CTNNA1: variants seen among roughly 807,000 people sequenced by gnomAD.
CTNNA1 encodes catenin alpha-1.
CTNNA1 carries 37 observed loss-of-function variants against 98.4 expected under a neutral mutation model. That is an observed-to-expected ratio of 0.38 (90% CI 0.29 to 0.49). The LOEUF is 0.49. Ranked by LOEUF, CTNNA1 falls within the 20% of genes least tolerant of loss-of-function variation. The probability of loss-of-function intolerance (pLI) is 0.95; values close to 1 mark genes in which losing one functional copy is unlikely to be tolerated. For missense variants in CTNNA1, 761 were observed against 1,147.2 expected (o/e 0.66, Z 4.86); for synonymous variants, 404 against 413.2 (o/e 0.98, Z 0.27).
At chr5:138,816,409 T>C (rs1412814814) in intron 5 of CTNNA1, among the ~76,000 whole-genome samples, 1 of 152,200 alleles carries the variant, frequency 6.6e-6, no homozygotes, top group African/African-American at 2.4e-5. Context: ...GATTGCTGGA[T>C]CATATGATTG....
chr5:138,913,875 CAG>C (rs1187905665), intron 10 of CTNNA1, among the ~76,000 whole-genome samples: 4 of 151,970 alleles, frequency 2.6e-5, no homozygotes, highest in African/African-American at 4.8e-5. Flanking sequence ...TTTTTAAAGA[CAG>C]GGTCTCATGG....
chr5:138,786,640 T>C (rs189707195), intron 3 of CTNNA1, among the ~76,000 whole-genome samples: 20 of 152,300 alleles, frequency 1.3e-4, no homozygotes, highest in African/African-American at 4.8e-4. Context: ...GATTATTCTG[T>C]CTGGGGGAAG....
chr5:138,764,486 T>C (rs1051074077), intron 1 of CTNNA1, among the ~76,000 whole-genome samples: 1 of 152,070 alleles, frequency 6.6e-6, no homozygotes, highest in Non-Finnish European at 1.5e-5. Context: ...TTTTTTTTAA[T>C]TTGAGACGGA....
intron 10 of CTNNA1, among the ~76,000 whole-genome samples, chr5:138,910,590 A>AT (rs1469953556): frequency 2.6e-5 from 4 of 152,018 alleles, no homozygotes; most frequent in Admixed American, 1.3e-4. Flanking sequence ...ACATTTAAAC[A>AT]TTTTAATACT....
intron 7 of CTNNA1, among the ~76,000 whole-genome samples, chr5:138,866,513 G>A (rs1764801796): frequency 6.6e-6 from 1 of 152,074 alleles, no homozygotes; most frequent in African/African-American, 2.4e-5. Flanking sequence ...TTTCATATCT[G>A]TTTCCTAAGT....
At chr5:138,847,272 A>C (rs2149834201) in intron 7 of CTNNA1, among the ~76,000 whole-genome samples, 1 of 138,638 alleles carries the variant, frequency 7.2e-6, no homozygotes, top group Non-Finnish European at 1.6e-5. Flanking sequence ...GAGGAGACTG[A>C]CAACATTCCT....
At chr5:138,816,169 C>G (rs982874662) in intron 5 of CTNNA1, among the ~76,000 whole-genome samples, 2 of 152,200 alleles carry the variant, frequency 1.3e-5, no homozygotes, top group African/African-American at 2.4e-5. Flanking sequence ...GCTTATTTGA[C>G]TTACCATAGT....
chr5:138,878,994 G>T (rs1752265937), intron 7 of CTNNA1, among the ~76,000 whole-genome samples: 1 of 151,882 alleles, frequency 6.6e-6, no homozygotes, highest in Admixed American at 6.6e-5. Context: ...GGTGGAGCAC[G>T]AGGTCAGGAG....
chr5:138,835,123 A>G (rs1761656929), intron 7 of CTNNA1, among the ~76,000 whole-genome samples: 1 of 152,110 alleles, frequency 6.6e-6, no homozygotes, highest in Admixed American at 6.5e-5. Context: ...AACAAATCGC[A>G]GTGGTGGAAT....
intron 1 of CTNNA1, among the ~76,000 whole-genome samples, chr5:138,780,919 A>G (rs972002487): frequency 1.1e-4 from 16 of 148,846 alleles, no homozygotes; most frequent in African/African-American, 4.0e-4. Context: ...TTAATAATTG[A>G]AGGCACTACT....
At chr5:138,785,278 G>T (rs1259049688) in intron 3 of CTNNA1, among the ~76,000 whole-genome samples, 1 of 151,558 alleles carries the variant, frequency 6.6e-6, no homozygotes, top group Non-Finnish European at 1.5e-5. Flanking sequence ...AGCCGGGATG[G>T]TCTCGATCTC....
At chr5:138,852,871 G>GCGCACACACACACACGCGCGCGCGCA (rs869240008) in intron 7 of CTNNA1, among the ~76,000 whole-genome samples, 9 of 151,358 alleles carry the variant, frequency 5.9e-5, no homozygotes, top group Middle Eastern at 3.4e-3. Context: ...GCGCGCGCGC[G>GCGCACACACACACACGCGCGCGCGCA]CACACACACA....
intron 7 of CTNNA1, among the ~76,000 whole-genome samples, chr5:138,847,254 G>C (rs570362051): frequency 6.6e-6 from 1 of 151,800 alleles, no homozygotes; most frequent in African/African-American, 2.4e-5. Context: ...TTCACCTTTT[G>C]GAGGGAAGAG....
At chr5:138,761,402 A>G (rs947751164) in intron 1 of CTNNA1, among the ~76,000 whole-genome samples, 1 of 151,986 alleles carries the variant, frequency 6.6e-6, no homozygotes, top group Non-Finnish European at 1.5e-5. Flanking sequence ...CGACCTGTTT[A>G]ATTTTTGTAC....
At chr5:138,800,235 G>A (rs1581063066) in intron 3 of CTNNA1, among the ~76,000 whole-genome samples, 2 of 152,170 alleles carry the variant, frequency 1.3e-5, no homozygotes, top group East Asian at 3.8e-4. Flanking sequence ...ATTTTATCTT[G>A]TCAACACAAG....
intron 7 of CTNNA1, among the ~76,000 whole-genome samples, chr5:138,864,671 A>G (rs1167460563): frequency 6.6e-6 from 1 of 152,242 alleles, no homozygotes; most frequent in Non-Finnish European, 1.5e-5. Flanking sequence ...GAGGTTAGAA[A>G]CAAGATGGAA....
chr5:138,870,161 AGCTCTG>A (rs1765210036), intron 7 of CTNNA1: 1 of 152,236 alleles, frequency 6.6e-6, no homozygotes, highest in Non-Finnish European at 1.5e-5. Flanking sequence ...AAAAAACAAA[AGCTCTG>A]ACACTGTGTA....
intron 3 of CTNNA1, 25 bp from the exon 4 acceptor site, chr5:138,810,013 G>A (rs1581105259): frequency 6.3e-7 from 1 of 1,577,706 alleles, no homozygotes; most frequent in Non-Finnish European, 8.7e-7. Context: ...TTCTTGCTGA[G>A]TTTGTTTTTC....
chr5:138,776,050 T>TA (rs1246588714), intron 1 of CTNNA1, among the ~76,000 whole-genome samples: 3 of 145,660 alleles, frequency 2.1e-5, no homozygotes, highest in Admixed American at 2.0e-4. Context: ...TTTTTTTTTT[T>TA]TTTTTTTTTT....
Sources: allele counts gnomAD v4.1 joint callset (sites outside exome capture counted in the v4.1 genomes callset), GRCh38; gene constraint gnomAD v4.1.1; transcripts MANE v1.5; gene names NCBI Gene and HGNC (gene_info 2026-07-23, HGNC 2026-07-21).